Variants in CHRD observed in about 807,000 individuals in gnomAD.
The protein encoded by CHRD is chordin.
In CHRD, 69 loss-of-function variants were observed where a neutral mutation model predicts 113.7. That is an observed-to-expected ratio of 0.61 (90% CI 0.50 to 0.74). The LOEUF (loss-of-function observed/expected upper bound fraction) is 0.74. Among genes scored for constraint, CHRD ranks in the 30% least tolerant of loss-of-function variants. The probability of loss-of-function intolerance (pLI) is 0.00; values close to 1 mark genes in which losing one functional copy is unlikely to be tolerated. For synonymous variants in CHRD, 561 were observed against 540.8 expected (o/e 1.04, Z -0.52); for missense variants, 1,194 against 1,295.8 (o/e 0.92, Z 1.21).
chr3:184,387,979 G>T lies in CHRD; in HGVS notation c.2500G>T (p.Ala834Ser). Residue 834 changes from alanine to serine, a missense_variant, in exon 20 of 23, where the codon GCC (alanine) becomes TCC (serine). Physicochemically the swap from Ala to Ser is moderately conservative, Grantham distance 99. Coordinates refer to ENST00000204604, the Ensembl canonical transcript of CHRD. The surrounding 1 kb of genome is among the most constrained non-coding windows in gnomAD (Gnocchi z 6.1). ...TGAGAAGGTGCAGTGTCCCCGGCTGGCCTGTGCCCAGCCTGTGCGTGTCAA... is the reference window on the plus strand; with the variant it reads ...TGAGAAGGTGCAGTGTCCCCGGCTGTCCTGTGCCCAGCCTGTGCGTGTCAA... 1.9e-6 allele frequency: 3 copies of T among 1,613,756 alleles called. No individual in the cohort carries two copies. Among genetic ancestry groups the T allele is most frequent in the Non-Finnish European group, 1.7e-6 (2 of 1,179,946 alleles).
In CHRD at chr3:184,380,082, G is replaced by C. The variant is rs1158497200; in HGVS notation, c.-237G>C. 6.9e-6 allele frequency: 1 copy of C among 144,194 alleles called. No individual in the cohort carries two copies. Among genetic ancestry groups the C allele is most frequent in the African/African-American group, 2.5e-5 (1 of 39,716 alleles). The allele number at this position is 144,194 out of a possible 1,614,324, so 8.9% of individuals were successfully genotyped here. On this transcript the variant is annotated 5_prime_UTR_variant, in exon 1 of 23. Transcript: ENST00000204604. This position sits in a 1 kb window ranked among gnomAD's most constrained non-coding sequence, Gnocchi z 6.3. ...GTAGAGCCGCGTACGGCCCGGGTCA[G>C]CGCCCGCCCGCCCGCGCTCCTCCCG...
At position 184,383,171 on chromosome 3, in the gene CHRD, G is replaced by A. The variant is rs541154659; in HGVS notation, c.1213+8G>A. The A allele has an allele frequency of 7.9e-6, 10 of 1,264,324 alleles. No individual in the cohort carries two copies. The highest frequency in any genetic ancestry group is 5.1e-5 in the African/African-American group (3 of 59,212). The allele number at this position is 1,264,324 out of a possible 1,614,324, so 78.3% of individuals were successfully genotyped here. A position where few individuals can be genotyped will look rare whatever the true frequency, so the allele number is the denominator to read the frequency against. ...CCAGGAAGAGCTGCGACGGTGAGGC[G>A]GGGGGGGGGCCTGGTGCGCCGGGCA... On this transcript the variant is annotated splice_region_variant and intron_variant, in intron 10 of 22. Coordinates refer to ENST00000204604, the Ensembl canonical transcript of CHRD.
exon 16 of CHRD, chr3:184,386,542 C>T (rs540246410): frequency 1.2e-5 from 19 of 1,536,452 alleles, no homozygotes; most frequent in African/African-American, 2.8e-5. Context: ...TGGAGGCGGC[C>T]GGGGCCGAGG....
chr3:184,385,070 A>G (rs1193950117), exon 14 of CHRD: 2 of 1,614,020 alleles, frequency 1.2e-6, no homozygotes, highest in Admixed American at 3.3e-5. Flanking sequence ...TGAAGAGCCA[A>G]GCAGCAGGGC....
rs1715491431 is a variant in CHRD, at chr3:184,381,854, G to A, written c.611+39G>A. ...AGGAGCAAGGAGGGGTCAGCTGCCGGGGCCCGGGAGGGAAACTGGGAGAGC... is the reference window on the plus strand; with the variant it reads ...AGGAGCAAGGAGGGGTCAGCTGCCGAGGCCCGGGAGGGAAACTGGGAGAGC... On this transcript the variant is annotated intron_variant, in intron 5 of 22. Transcript: ENST00000204604. This position sits in a 1 kb window ranked among gnomAD's most constrained non-coding sequence, Gnocchi z 4.7. The A allele has an allele frequency of 3.1e-6, 5 of 1,610,726 alleles. No individual in the cohort carries two copies. Among genetic ancestry groups the A allele is most frequent in the Non-Finnish European group, 4.2e-6 (5 of 1,178,470 alleles).
chr3:184,382,515 C>T lies in CHRD; in HGVS notation c.826C>T (p.Arg276Trp), dbSNP rs556293982. The T allele has an allele frequency of 1.9e-5, 31 of 1,613,894 alleles. No individual in the cohort carries two copies. Among genetic ancestry groups the T allele is most frequent in the Admixed American group, 1.5e-4 (9 of 60,026 alleles). The change falls in exon 7 of 23, where the codon CGG (arginine) becomes TGG (tryptophan). Residue 276 changes from arginine to tryptophan, a missense_variant. Physicochemically the swap from Arg to Trp is moderately radical, Grantham distance 101. Coordinates refer to ENST00000204604, the Ensembl canonical transcript of CHRD. The stretch of plus-strand genomic sequence containing the variant: ...GGTCTGGGGGCCTCTCATCCGGCAC[C>T]GGGCCCTGGCTGCAGGTAGGGAGCA...
rs1295386994 is a variant in CHRD, at chr3:184,381,351, G to C, written c.369G>C (p.Gln123His). ...GCCAGCTGCCGGGACACTGCTGCCA[G>C]ACCTGCCCCCAGGGTAAGTCTTGCT... Residue 123 changes from glutamine (Q) to histidine (H), a missense_variant, in exon 3 of 23, where the codon CAG (glutamine) becomes CAC (histidine). Physicochemically the swap from Gln to His is conservative, Grantham distance 24 (BLOSUM62 0). Coordinates refer to ENST00000204604, the Ensembl canonical transcript of CHRD. The surrounding 1 kb of genome is among the most constrained non-coding windows in gnomAD (Gnocchi z 4.7). The C allele has an allele frequency of 1.3e-6, 2 of 1,597,776 alleles. No homozygotes were observed. The highest frequency in any genetic ancestry group is 2.2e-5 in the South Asian group (2 of 89,432).
At position 184,380,687 on chromosome 3, in the gene CHRD, C is replaced by G. The variant is rs902440604; in HGVS notation, c.149-5C>G. On this transcript the variant is annotated splice_polypyrimidine_tract_variant and splice_region_variant and intron_variant, in intron 1 of 22. Transcript: ENST00000204604. The surrounding 1 kb of genome is among the most constrained non-coding windows in gnomAD (Gnocchi z 6.3). ...AGCGGCCTCCAGCCAAGCCCGTCCC[C>G]GCAGGCTGCACCTTCGGCGGGAAGG... 3 of 1,579,680 alleles carry G rather than the reference C, an allele frequency of 1.9e-6. No homozygotes were observed. The highest frequency in any genetic ancestry group is 1.4e-5 in the African/African-American group (1 of 71,810).
exon 7 of CHRD, chr3:184,382,416 C>G (rs761857445): frequency 6.2e-7 from 1 of 1,614,046 alleles, no homozygotes; most frequent in Admixed American, 1.7e-5. Context: ...GGCAGTGCCT[C>G]GGTTGTCTCT....
chr3:184,386,999 G>A, intron 17 of CHRD, 52 bp from the exon 18 acceptor site: 1 of 1,613,972 alleles, frequency 6.2e-7, no homozygotes, highest in South Asian at 1.1e-5. Context: ...GTCCTTTGGG[G>A]AGGGAATGAG....
At position 184,382,679 on chromosome 3, in the gene CHRD, G is replaced by T. The variant is rs1266031405; in HGVS notation, c.887G>T (p.Gly296Val). ...ACTCTAGAAGGCCCCCCACAGCAGG[G>T]CGTAGGGGGCATCACCCTGCTCACT... is the stretch of plus-strand genomic sequence containing the variant. The change falls in exon 8 of 23, where the codon GGC becomes GTC. Residue 296 changes from glycine to valine, a missense_variant. By Grantham distance (109) the Gly-to-Val change is moderately radical (BLOSUM62 -3). Transcript: ENST00000204604. 1.2e-6 allele frequency: 2 copies of T among 1,613,850 alleles called. No homozygotes were observed. Among genetic ancestry groups the T allele is most frequent in the East Asian group, 2.2e-5 (1 of 44,866 alleles).
intron 22 of CHRD, 34 bp from the exon 23 acceptor site, chr3:184,389,333 C>T: frequency 6.2e-7 from 1 of 1,606,582 alleles, no homozygotes; most frequent in Non-Finnish European, 8.5e-7. Context: ...ACTCCCTCTC[C>T]CCTCCTCCAA....
intron 6 of CHRD, 52 bp from the exon 7 acceptor site, chr3:184,382,337 G>T: frequency 6.2e-7 from 1 of 1,608,000 alleles, no homozygotes; most frequent in Non-Finnish European, 8.5e-7. Context: ...ATCCTAATTG[G>T]CCTAGCCTGC....
chr3:184,388,950 G>A lies in CHRD; in HGVS notation c.2767G>A (p.Gly923Arg). ...TTCACTGCCACTGTCCTGTGGCTCG[G>A]GGAAGGAGAGTCGATGCTGTTCCCG... Residue 923 changes from glycine (G) to arginine (R), a missense_variant, in exon 22 of 23, where the codon GGG becomes AGG. By Grantham distance (125) the Gly-to-Arg change is moderately radical. Transcript: ENST00000204604. This position sits in a 1 kb window ranked among gnomAD's most constrained non-coding sequence, Gnocchi z 6.1. 6.2e-7 allele frequency: 1 copy of A among 1,612,932 alleles called. No homozygotes were observed. Among genetic ancestry groups the A allele is most frequent in the Non-Finnish European group, 8.5e-7 (1 of 1,179,932 alleles).
chr3:184,381,278 G>C lies in CHRD; in HGVS notation c.296G>C (p.Cys99Ser). 6.2e-7 allele frequency: 1 copy of C among 1,613,256 alleles called. No homozygotes were observed. Among genetic ancestry groups the C allele is most frequent in the Non-Finnish European group, 8.5e-7 (1 of 1,179,932 alleles). Residue 99 changes from cysteine to serine, a missense_variant, in exon 3 of 23, where the codon TGC becomes TCC. Cys to Ser is a moderately radical substitution (Grantham distance 112). Coordinates refer to ENST00000204604, the Ensembl canonical transcript of CHRD. This position sits in a 1 kb window ranked among gnomAD's most constrained non-coding sequence, Gnocchi z 4.7. ...ACCAGGGGCCCTGGCAGGGTCAGCT[G>C]CAAGAACATCAAACCAGAGTGCCCA...
rs372755129 is a variant in CHRD at position 184,384,709 on chromosome 3, G to T, written c.1597+16G>T. Reference sequence around the variant, plus strand: ...CGCCATGACAGTGAGTGTCCTTAGGGGTCTGTCTGCCCTTTGGTTTCCTAG... The same window carrying T: ...CGCCATGACAGTGAGTGTCCTTAGGTGTCTGTCTGCCCTTTGGTTTCCTAG... On this transcript the variant is annotated intron_variant, in intron 13 of 22. Transcript: ENST00000204604. The surrounding 1 kb of genome is among the most constrained non-coding windows in gnomAD (Gnocchi z 4.4). 68 of 1,531,648 alleles carry T rather than the reference G, an allele frequency of 4.4e-5. No individual in the cohort carries two copies. The highest frequency in any genetic ancestry group is 5.6e-5 in the Non-Finnish European group (64 of 1,138,540). The allele number at this position is 1,531,648 out of a possible 1,614,324, so 94.9% of individuals were successfully genotyped here. A position where few individuals can be genotyped will look rare whatever the true frequency, so the allele number is the denominator to read the frequency against.
At chr3:184,382,447 A>C in exon 7 of CHRD, 1 of 1,614,068 alleles carries the variant, frequency 6.2e-7, no homozygotes, top group Non-Finnish European at 8.5e-7. Context: ...AGGGCAGAAC[A>C]GCTGCATGTG....
At position 184,387,111 on chromosome 3, in the gene CHRD, A is replaced by T; in HGVS notation, c.2347+4A>T. The T allele has an allele frequency of 1.9e-6, 3 of 1,613,506 alleles. No individual in the cohort carries two copies. The highest frequency in any genetic ancestry group is 2.5e-6 in the Non-Finnish European group (3 of 1,179,606). On this transcript the variant is annotated splice_donor_region_variant and intron_variant, in intron 18 of 22. Coordinates refer to ENST00000204604, the Ensembl canonical transcript of CHRD. The surrounding 1 kb of genome is among the most constrained non-coding windows in gnomAD (Gnocchi z 6.1). ...AGGAGCCGGGACCCAGGAGAGGGTGAGCTGGAAGGGTGCGTGCAGGGTGGG... is the reference window on the plus strand; with the variant it reads ...AGGAGCCGGGACCCAGGAGAGGGTGTGCTGGAAGGGTGCGTGCAGGGTGGG...
exon 16 of CHRD, chr3:184,386,674 C>T (rs1327496175): frequency 7.4e-6 from 12 of 1,612,464 alleles, no homozygotes; most frequent in Non-Finnish European, 1.0e-5. Context: ...CCAACACATG[C>T]TTCTTCGAGG....
Sources: allele counts gnomAD v4.1 joint callset, GRCh38; gene constraint gnomAD v4.1.1; non-coding constraint Gnocchi (gnomAD v3.1); transcripts MANE v1.5; gene names NCBI Gene and HGNC (gene_info 2026-07-23, HGNC 2026-07-21).